Variants in SMPD3 observed in about 807,000 individuals in gnomAD.
The protein encoded by SMPD3 is nSMase-2.
A neutral mutation model predicts 55.7 loss-of-function variants in SMPD3; 21 were observed. The observed-to-expected ratio is 0.38, with a 90% CI of 0.27 to 0.54. The LOEUF is 0.54. Among genes scored for constraint, SMPD3 ranks in the 20% least tolerant of loss-of-function variants. The probability of loss-of-function intolerance (pLI) is 0.80; values close to 1 mark genes in which losing one functional copy is unlikely to be tolerated. For synonymous variants in SMPD3, 457 were observed against 404.3 expected (o/e 1.13, Z -1.56); for missense variants, 842 against 899.6 (o/e 0.94, Z 0.82).
rs2090620593 is a variant in SMPD3 at position 68,447,612 on chromosome 16, T to G, written c.-269+741A>C. Among the ~76,000 whole-genome samples the G allele has an allele frequency of 6.6e-6, 1 of 151,432 alleles. No homozygotes were observed. Among genetic ancestry groups the G allele is most frequent in the South Asian group, 2.1e-4 (1 of 4,768 alleles). On this transcript the variant is annotated intron_variant, in intron 1 of 8. Coordinates refer to ENST00000219334, the MANE Select transcript of SMPD3 (RefSeq NM_018667.4). The surrounding 1 kb of genome is among the most constrained non-coding windows in gnomAD (Gnocchi z 5.1). Reference sequence around the variant, plus strand: ...GGGCCCGAGCGCGGGGGATTCCGAGTGTCAGTGCTTTCCTCCACCCGCGAC... The same window carrying G: ...GGGCCCGAGCGCGGGGGATTCCGAGGGTCAGTGCTTTCCTCCACCCGCGAC...
chr16:68,421,601 C>T (rs181488661), intron 1 of SMPD3, among the ~76,000 whole-genome samples: 2 of 152,328 alleles, frequency 1.3e-5, no homozygotes, highest in East Asian at 3.9e-4. Flanking sequence ...ACAATTAAGT[C>T]CAAGCCCCAC....
At chr16:68,410,438 C>G (rs1417123683) in intron 1 of SMPD3, among the ~76,000 whole-genome samples, 1 of 152,102 alleles carries the variant, frequency 6.6e-6, no homozygotes, top group Non-Finnish European at 1.5e-5. Context: ...CTCCAGGCAT[C>G]AGCACTGTCA....
chr16:68,388,431 C>T (rs1016404272), intron 1 of SMPD3, among the ~76,000 whole-genome samples: 1 of 152,220 alleles, frequency 6.6e-6, no homozygotes, highest in Non-Finnish European at 1.5e-5. Context: ...ACCCAGGCCA[C>T]AGGCTCACAA....
chr16:68,393,382 C>T (rs527433789), intron 1 of SMPD3, among the ~76,000 whole-genome samples: 4 of 151,966 alleles, frequency 2.6e-5, no homozygotes, highest in East Asian at 1.9e-4. Context: ...CCAGCCTGGG[C>T]GATAGAGCAC....
Position 68,393,411 on chromosome 16 carries a change from C to CA in SMPD3, c.-268-6753dup, listed in dbSNP as rs1038011656. ...AGAGCACGAGATTCTGTCTCAAAAA[C>CA]AAAAAAAACAAAAAGGAAAATGGAC... On this transcript the variant is annotated intron_variant, in intron 1 of 8. Transcript: ENST00000219334. 3.1e-4 allele frequency among the ~76,000 whole-genome samples: 47 copies of CA among 151,398 alleles called. No individual in the cohort carries two copies. In the East Asian group the frequency reaches 3.3e-3, roughly 11 times the overall value.
intron 1 of SMPD3, among the ~76,000 whole-genome samples, chr16:68,424,999 A>G (rs949449943): frequency 6.6e-6 from 1 of 152,204 alleles, no homozygotes; most frequent in Non-Finnish European, 1.5e-5. Context: ...GGTATAAGCC[A>G]CTGCGCCTGG....
In SMPD3 at chr16:68,358,865, C is replaced by CTGATTT. The variant is rs2089024952; in HGVS notation, c.*2340_*2341insAAATCA. 1 of 152,504 alleles carries CTGATTT rather than the reference C, an allele frequency of 6.6e-6. No homozygotes were observed. Among genetic ancestry groups the CTGATTT allele is most frequent in the Non-Finnish European group, 1.5e-5 (1 of 68,058 alleles). The allele number at this position is 152,504 out of a possible 1,614,324, so 9.4% of individuals were successfully genotyped here. ...AATCAGTGGAAGGGCCTGGCCTGCA[C>CTGATTT]ACAAGGCCCGGGAGTCCATAGGCAG... is the stretch of plus-strand genomic sequence containing the variant. On this transcript the variant is annotated 3_prime_UTR_variant, in exon 9 of 9. Coordinates refer to ENST00000219334, the MANE Select transcript of SMPD3 (RefSeq NM_018667.4).
intron 1 of SMPD3, among the ~76,000 whole-genome samples, chr16:68,426,991 CTT>C (rs56214206): frequency 0.12 from 13,657 of 111,082 alleles, 469 homozygotes; most frequent in Non-Finnish European, 0.17. Flanking sequence ...TCAGGTCTAT[CTT>C]TTTTTTTTTT....
chr16:68,434,511 C>T (rs921654974), intron 1 of SMPD3, among the ~76,000 whole-genome samples: 5 of 152,160 alleles, frequency 3.3e-5, no homozygotes, highest in Admixed American at 3.3e-4. Context: ...GCTTTGCCTA[C>T]CCTGGAGCCA....
chr16:68,437,296 C>T (rs1331906672), intron 1 of SMPD3, among the ~76,000 whole-genome samples: 1 of 152,196 alleles, frequency 6.6e-6, no homozygotes, highest in African/African-American at 2.4e-5. Context: ...TCCAAACATC[C>T]GTGCCTTTAT....
chr16:68,438,689 C>G (rs1019918781), intron 1 of SMPD3, among the ~76,000 whole-genome samples: 4 of 152,200 alleles, frequency 2.6e-5, no homozygotes, highest in Admixed American at 6.5e-5. Flanking sequence ...CTTTCCCTTG[C>G]CTTCCTTCCC....
Position 68,363,480 on chromosome 16 carries a change from G to A in SMPD3, c.1709+16C>T. On this transcript the variant is annotated intron_variant, in intron 7 of 8. Coordinates refer to ENST00000219334, the MANE Select transcript of SMPD3 (RefSeq NM_018667.4). ...CAGGGTGTGCCTCGTCCCTGGCCTG[G>A]GAGCGCAGTGCTTACTTCTGCAGGT... is the stretch of plus-strand genomic sequence containing the variant. 1 of 1,613,948 alleles carries A rather than the reference G, an allele frequency of 6.2e-7. No individual in the cohort carries two copies. Among genetic ancestry groups the A allele is most frequent in the Non-Finnish European group, 8.5e-7 (1 of 1,179,944 alleles).
chr16:68,372,318 G>C lies in SMPD3; in HGVS notation c.-137C>G. 1 of 1,163,848 alleles carries C rather than the reference G, an allele frequency of 8.6e-7. No homozygotes were observed. Among genetic ancestry groups the C allele is most frequent in the Non-Finnish European group, 1.2e-6 (1 of 820,776 alleles). 72.1% of individuals were successfully genotyped at this position (1,163,848 alleles called of 1,614,324 possible). On this transcript the variant is annotated 5_prime_UTR_variant, in exon 3 of 9. Transcript: ENST00000219334. ...TCCTGGCGAGATGCAACTCCGGCTGGTCAATGGCGAATGTTGGCCAGCCGG... is the reference window on the plus strand; with the variant it reads ...TCCTGGCGAGATGCAACTCCGGCTGCTCAATGGCGAATGTTGGCCAGCCGG...
intron 1 of SMPD3, among the ~76,000 whole-genome samples, chr16:68,423,755 C>A (rs1258350163): frequency 6.6e-6 from 1 of 152,130 alleles, no homozygotes; most frequent in Non-Finnish European, 1.5e-5. Context: ...ATTTTTTACC[C>A]ACCAGCAGGT....
intron 1 of SMPD3, among the ~76,000 whole-genome samples, chr16:68,437,121 T>C (rs2090528439): frequency 6.6e-6 from 1 of 152,254 alleles, no homozygotes; most frequent in South Asian, 2.1e-4. Flanking sequence ...ACTACCTCCC[T>C]GAGGACAGGG....
At position 68,363,798 on chromosome 16, in the gene SMPD3, C is replaced by T; in HGVS notation, c.1624G>A (p.Glu542Lys). The stretch of plus-strand genomic sequence containing the variant: ...TCACCGATGGCCCACGGCTTCTCCT[C>T]ACCAGGCCCCAGGCGGCAGGGGTCC... ...YRDPCRLGPG[E>K]EKPWAIGTLL... Residue 542 changes from glutamate (E) to lysine (K), a missense_variant, in exon 6 of 9, where the codon GAG becomes AAG. This residue lies in a region of SMPD3 where 649 missense variants were observed against 643.6 expected (regional missense o/e 1.01). Transcript: ENST00000219334. 1.3e-6 allele frequency: 2 copies of T among 1,569,182 alleles called. No homozygotes were observed. The highest frequency in any genetic ancestry group is 1.7e-6 in the Non-Finnish European group (2 of 1,156,914).
chr16:68,382,005 C>T (rs2089961085), intron 2 of SMPD3: 1 of 152,246 alleles, frequency 6.6e-6, no homozygotes, highest in Non-Finnish European at 1.5e-5. Flanking sequence ...TAGGCTCACT[C>T]CTCACCTCCT....
rs748109203 is a variant in SMPD3 at position 68,371,642 on chromosome 16, G to A, written c.540C>T (p.Ser180=). 8.3e-6 allele frequency: 13 copies of A among 1,564,504 alleles called. No individual in the cohort carries two copies. Among genetic ancestry groups the A allele is most frequent in the South Asian group, 4.8e-5 (4 of 82,850 alleles). The change falls in exon 3 of 9, where the codon AGC becomes AGT. Residue 180 remains serine, a synonymous_variant. Coordinates refer to ENST00000219334, the MANE Select transcript of SMPD3 (RefSeq NM_018667.4). ...YIDSPTNTSI[S]AASFSSLVSP... Reference sequence around the variant, plus strand: ...ACACCAGGCTGCTGAAGCTAGCGGCGCTGATGGAGGTATTGGTGGGGGAGT... The same window carrying A: ...ACACCAGGCTGCTGAAGCTAGCGGCACTGATGGAGGTATTGGTGGGGGAGT...
In SMPD3 at chr16:68,408,542, A is replaced by G. The variant is rs564002153; in HGVS notation, c.-268-21883T>C. Among the ~76,000 whole-genome samples the G allele has an allele frequency of 2.0e-3, 304 of 152,352 alleles. 1 individual carries two copies. Among genetic ancestry groups the G allele is most frequent in the Non-Finnish European group, 3.3e-3 (226 of 68,026 alleles). On this transcript the variant is annotated intron_variant, in intron 1 of 8. Coordinates refer to ENST00000219334, the MANE Select transcript of SMPD3 (RefSeq NM_018667.4). ...CTGGGCAATGCTGACAGACATGCCC[A>G]CTAAGATCTGGGTGACTCTGGGATG...
Sources: allele counts gnomAD v4.1 joint callset (sites outside exome capture counted in the v4.1 genomes callset), GRCh38; gene constraint gnomAD v4.1.1; regional missense constraint gnomAD v4.1.1; non-coding constraint Gnocchi (gnomAD v3.1); transcripts MANE v1.5; gene names NCBI Gene and HGNC (gene_info 2026-07-23, HGNC 2026-07-21).